The following RGS3 variants were observed in gnomAD, a reference collection of about 807,000 sequenced individuals.
The protein encoded by RGS3 is regulator of G protein signaling 3, also known as regulator of G-protein signalling 3.
Under a neutral mutation model 132.6 loss-of-function variants are expected in RGS3, and 80 were observed. That is an observed-to-expected ratio of 0.60 (90% CI 0.50 to 0.73). The LOEUF (loss-of-function observed/expected upper bound fraction) is 0.73, where lower values mean the gene tolerates loss of function less well. RGS3 is among the 30% of genes least tolerant of loss of function. RGS3 has a pLI of 0.00. For missense variants in RGS3, 1,382 were observed against 1,530.8 expected, an observed-to-expected ratio of 0.90 and a Z score of 1.62; for synonymous variants, 598 against 620.6, an observed-to-expected ratio of 0.96 and a Z score of 0.54.
chr9:113,501,720 GTCT>G, intron 10 of RGS3: 1 of 1,342,314 alleles, frequency 7.4e-7, no homozygotes, highest in Non-Finnish European at 1.0e-6. Flanking sequence ...TCCTCACAAG[GTCT>G]TCTTTGACCT....
chr9:113,462,029 C>T (rs779997530), exon 3 of RGS3: 19 of 1,613,328 alleles, frequency 1.2e-5, no homozygotes, highest in East Asian at 4.5e-5. Flanking sequence ...AGGTCTGCCA[C>T]GTCTCTGTGC....
intron 24 of RGS3, 71 bp from the exon 23 acceptor site, chr9:113,596,697 T>C: frequency 3.6e-6 from 5 of 1,399,740 alleles, no homozygotes; most frequent in Non-Finnish European, 4.8e-6. Context: ...GATGGGTCCC[T>C]TCCAGGCACA....
intron 19 of RGS3, among the ~76,000 whole-genome samples, chr9:113,555,623 C>T (rs1357641217): frequency 4.6e-5 from 7 of 152,060 alleles, no homozygotes; most frequent in Admixed American, 2.6e-4. Context: ...CCCGCCACCA[C>T]GCCCAGCTAA....
chr9:113,586,753 A>G (rs958235218), intron 20 of RGS3, among the ~76,000 whole-genome samples: 1 of 152,216 alleles, frequency 6.6e-6, no homozygotes, highest in African/African-American at 2.4e-5. Context: ...ACCGTGGTCT[A>G]GCTCCATCTC....
At chr9:113,497,540 T>C in intron 9 of RGS3, 136 bp downstream of exon 7, 3 of 688,878 alleles carry the variant, frequency 4.4e-6, no homozygotes, top group Non-Finnish European at 7.3e-6. Context: ...CAGGGACTTC[T>C]CAGGAGCACT....
chr9:113,504,044 A>G (rs533113012), intron 10 of RGS3, among the ~76,000 whole-genome samples: 7 of 152,124 alleles, frequency 4.6e-5, no homozygotes, highest in African/African-American at 1.4e-4. Context: ...CTTTGAATCC[A>G]GGCCCGGGGC....
chr9:113,565,349 C>T lies in RGS3; in HGVS notation c.2038-18101C>T, dbSNP rs566625576. On this transcript the variant is annotated intron_variant, in intron 19 of 24. Transcript: ENST00000350696. The surrounding 1 kb of genome is among the most constrained non-coding windows in gnomAD (Gnocchi z 5.7). ...AGCCTCTCTCCAGAGTGGCGGTGGC[C>T]GGCTAGACAGGGTGTGTGTTTGGGA... 1.5e-4 allele frequency: 191 copies of T among 1,289,612 alleles called. 1 individual carries two copies. The highest frequency in any genetic ancestry group is 1.3e-3 in the African/African-American group (88 of 65,812). 79.9% of individuals were successfully genotyped at this position (1,289,612 alleles called of 1,614,324 possible). A position where few individuals can be genotyped will look rare whatever the true frequency, so the allele number is the denominator to read the frequency against.
At chr9:113,485,769 A>G in intron 7 of RGS3, 76 bp downstream of exon 5, 2 of 1,080,784 alleles carry the variant, frequency 1.9e-6, no homozygotes, top group South Asian at 1.4e-5. Context: ...AGCATACACC[A>G]GGGGTTCGAT....
chr9:113,499,141 C>T lies in RGS3; in HGVS notation c.897+1061C>T, dbSNP rs188915816. Among the ~76,000 whole-genome samples the T allele has an allele frequency of 4.8e-3, 719 of 150,036 alleles. 4 individuals are homozygous for T. The highest frequency in any genetic ancestry group is 0.01 in the Middle Eastern group (3 of 288). ...ACTTGGGAGGCTGAGGCAGAAGAAT[C>T]GCTTGAACCTGGGAGGTGGAGGTTG... On this transcript the variant is annotated intron_variant, in intron 10 of 24. Transcript: ENST00000350696.
At chr9:113,505,038 T>C (rs773366652) in intron 10 of RGS3, 2 of 199,190 alleles carry the variant, frequency 1.0e-5, no homozygotes, top group Non-Finnish European at 2.1e-5. Context: ...AGGCTAACGC[T>C]CTGTGAACCT....
At chr9:113,485,566 C>A in intron 6 of RGS3, 59 bp from the exon 5 acceptor site, 3 of 1,362,174 alleles carry the variant, frequency 2.2e-6, no homozygotes, top group South Asian at 2.5e-5. Flanking sequence ...CTCTATGAGT[C>A]AGCTATGGCC....
chr9:113,446,186 G>C (rs1161665051), intron 1 of RGS3, among the ~76,000 whole-genome samples: 1 of 152,154 alleles, frequency 6.6e-6, no homozygotes, highest in African/African-American at 2.4e-5. Flanking sequence ...GAGGAATCTG[G>C]GAAGGAATTT....
intron 17 of RGS3, among the ~76,000 whole-genome samples, chr9:113,526,633 A>T (rs1393964858): frequency 6.6e-6 from 1 of 151,992 alleles, no homozygotes; most frequent in African/African-American, 2.4e-5. Flanking sequence ...TTAATGGTTG[A>T]GTTTTGGATC....
At chr9:113,458,897 G>A (rs562188015), upstream of RGS3, among the ~76,000 whole-genome samples, 2 of 152,160 alleles carry the variant, frequency 1.3e-5, no homozygotes, top group East Asian at 1.9e-4. Context: ...GACTACAGGC[G>A]CATGCCACCA....
intron 19 of RGS3, among the ~76,000 whole-genome samples, chr9:113,555,465 T>A (rs533735510): frequency 2.0e-5 from 3 of 150,532 alleles, no homozygotes; most frequent in Non-Finnish European, 4.4e-5. Context: ...GGTTTCCGGT[T>A]GTGACTATTT....
intron 7 of RGS3, among the ~76,000 whole-genome samples, chr9:113,488,202 A>G (rs1830396499): frequency 6.6e-6 from 1 of 152,204 alleles, no homozygotes; most frequent in African/African-American, 2.4e-5. Flanking sequence ...TGAGAAGTCA[A>G]GGGTAACTCC....
intron 3 of RGS3, among the ~76,000 whole-genome samples, chr9:113,468,356 C>T (rs919587078): frequency 6.6e-6 from 1 of 152,316 alleles, no homozygotes; most frequent in South Asian, 2.1e-4. Flanking sequence ...AAATCAATTG[C>T]CCATAAACCC....
intron 18 of RGS3, among the ~76,000 whole-genome samples, chr9:113,531,478 T>C (rs571929153): frequency 7.9e-4 from 121 of 152,272 alleles, no homozygotes; most frequent in African/African-American, 2.7e-3. Flanking sequence ...AAGACTTGCA[T>C]CCAAAGCACT....
rs1443078065 is a variant in RGS3 at position 113,484,134 on chromosome 9, C to G, written c.526-4C>G. The G allele has an allele frequency of 3.8e-6, 6 of 1,590,806 alleles. 1 individual carries two copies. The Admixed American group carries it at 1.0e-4, about 27-fold the overall frequency. ...TAATCATGCTTCCTTTTTTCCAATT[C>G]AAGATTTCTTTGATCCCTGAAGATA... is the stretch of plus-strand genomic sequence containing the variant. On this transcript the variant is annotated splice_polypyrimidine_tract_variant and splice_region_variant and intron_variant, in intron 5 of 24. Transcript: ENST00000350696.
Sources: gnomAD v4.1 joint callset for allele counts (sites outside exome capture counted in the v4.1 genomes callset) on GRCh38, gnomAD v4.1.1 for gene constraint, Gnocchi (gnomAD v3.1) non-coding constraint, MANE v1.5 for transcripts, NCBI Gene and HGNC (gene_info 2026-07-23, HGNC 2026-07-21) for gene names.